Variants in SOCS5 observed in about 807,000 individuals in gnomAD.
SOCS5 encodes the protein suppressor of cytokine signaling 5.
Under a neutral mutation model 42.8 loss-of-function variants are expected in SOCS5, and 32 were observed. That is an observed-to-expected ratio of 0.75 (90% confidence interval 0.56 to 1.01). SOCS5 has a LOEUF of 1.01. Among genes scored for constraint, SOCS5 ranks in the 50% least tolerant of loss-of-function variants. SOCS5 has a pLI of 0.00. For missense variants in SOCS5, 627 were observed against 653.0 expected (o/e 0.96, Z 0.43); for synonymous variants, 283 against 229.6 (o/e 1.23, Z -2.10).
At chr2:46,717,846 T>G (rs1442691567) in intron 1 of SOCS5, among the ~76,000 whole-genome samples, 1 of 152,118 alleles carries the variant, frequency 6.6e-6, no homozygotes, top group Non-Finnish European at 1.5e-5. Context: ...CTTACAAGCT[T>G]AGGTAGTTGT....
intron 1 of SOCS5, among the ~76,000 whole-genome samples, chr2:46,734,703 C>G (rs566274437): frequency 6.6e-6 from 1 of 152,032 alleles, no homozygotes; most frequent in South Asian, 2.1e-4. Context: ...CTGTCCTCAT[C>G]ATACCCAATC....
chr2:46,756,719 G>C (rs1673738615), intron 1 of SOCS5, among the ~76,000 whole-genome samples: 1 of 152,080 alleles, frequency 6.6e-6, no homozygotes, highest in Admixed American at 6.6e-5. Context: ...GCTAGAAAGG[G>C]GCTAGGATAT....
chr2:46,741,632 A>G (rs1673379764), intron 1 of SOCS5, among the ~76,000 whole-genome samples: 1 of 152,274 alleles, frequency 6.6e-6, no homozygotes, highest in East Asian at 1.9e-4. Flanking sequence ...TGTGATATAG[A>G]TGTGTGTTGA....
chr2:46,743,362 A>C (rs1455409367), intron 1 of SOCS5, among the ~76,000 whole-genome samples: 2 of 152,202 alleles, frequency 1.3e-5, no homozygotes, highest in African/African-American at 4.8e-5. Context: ...TTATTTCTTA[A>C]TGATATGCTA....
chr2:46,762,705 T>C lies in SOCS5; in HGVS notation c.*2564T>C, dbSNP rs149802888. 1.8e-5 allele frequency: 3 copies of C among 166,292 alleles called. No individual in the cohort carries two copies. Among genetic ancestry groups the C allele is most frequent in the Non-Finnish European group, 4.4e-5 (3 of 68,086 alleles). The allele number at this position is 166,292 out of a possible 1,614,324, so 10.3% of individuals were successfully genotyped here. A position where few individuals can be genotyped will look rare whatever the true frequency, so the allele number is the denominator to read the frequency against. Reference sequence around the variant, plus strand: ...TCACTGTGTCCTTTTCTGAATCCCATTGTAGCCTGTCAACTAAATTTGAGT... The same window carrying C: ...TCACTGTGTCCTTTTCTGAATCCCACTGTAGCCTGTCAACTAAATTTGAGT... On this transcript the variant is annotated 3_prime_UTR_variant, in exon 2 of 2. Transcript: ENST00000394861.
intron 1 of SOCS5, among the ~76,000 whole-genome samples, chr2:46,753,809 A>G (rs1453221145): frequency 6.6e-6 from 1 of 152,144 alleles, no homozygotes; most frequent in East Asian, 1.9e-4. Context: ...CAGACCATGT[A>G]AGGTAACTTC....
chr2:46,746,260 T>C (rs901227559), intron 1 of SOCS5, among the ~76,000 whole-genome samples: 6 of 152,116 alleles, frequency 3.9e-5, no homozygotes, highest in Admixed American at 6.5e-5. Context: ...CACATTCTTA[T>C]TATTCACCAC....
chr2:46,729,581 T>C (rs189240877), intron 1 of SOCS5, among the ~76,000 whole-genome samples: 1 of 152,318 alleles, frequency 6.6e-6, no homozygotes, highest in Admixed American at 6.5e-5. Flanking sequence ...ACACAAAGGG[T>C]ACAGTAAAAA....
chr2:46,762,484 CAT>C lies in SOCS5; in HGVS notation c.*2346_*2347del, dbSNP rs1673891750. The C allele has an allele frequency of 6.0e-6, 1 of 166,068 alleles. No homozygotes were observed. The highest frequency in any genetic ancestry group is 2.4e-5 in the African/African-American group (1 of 41,438). 10.3% of individuals were successfully genotyped at this position (166,068 alleles called of 1,614,324 possible). On this transcript the variant is annotated 3_prime_UTR_variant, in exon 2 of 2. Coordinates refer to ENST00000394861, the MANE Select transcript of SOCS5 (RefSeq NM_144949.3). ...ATGCTTTTATGTATTTCAAAACTTT[CAT>C]ATGTTAAATGGAAATTGTTTTAAAT...
rs150522408 is a variant in SOCS5 at position 46,743,778 on chromosome 2, T to C, written c.-12-14741T>C. 4.9e-3 allele frequency among the ~76,000 whole-genome samples: 742 copies of C among 152,236 alleles called. 6 individuals carry two copies. The highest frequency in any genetic ancestry group is 9.7e-3 in the Admixed American group (149 of 15,292). On this transcript the variant is annotated intron_variant, in intron 1 of 1. Transcript: ENST00000394861. Reference sequence around the variant, plus strand: ...GCGTCATACAAGGGACTGGGGGGCATCTCCAAATATGTCTGAAATTTAAAC... The same window carrying C: ...GCGTCATACAAGGGACTGGGGGGCACCTCCAAATATGTCTGAAATTTAAAC...
At chr2:46,720,892 C>G (rs1045413664) in intron 1 of SOCS5, among the ~76,000 whole-genome samples, 2 of 152,140 alleles carry the variant, frequency 1.3e-5, no homozygotes, top group Non-Finnish European at 2.9e-5. Context: ...TCCTTTCTTT[C>G]ACACGGTTCT....
At chr2:46,700,270 G>A (rs144895822) in intron 1 of SOCS5, among the ~76,000 whole-genome samples, 2 of 152,286 alleles carry the variant, frequency 1.3e-5, no homozygotes, top group African/African-American at 4.8e-5. Flanking sequence ...CCAACTAAAG[G>A]GTGCCTGGCT....
intron 1 of SOCS5, among the ~76,000 whole-genome samples, chr2:46,746,083 G>C (rs1428328829): frequency 6.6e-6 from 1 of 151,866 alleles, no homozygotes; most frequent in African/African-American, 2.4e-5. Context: ...TGAAATCCTG[G>C]GATCAATATT....
chr2:46,733,945 G>A (rs930611264), intron 1 of SOCS5, among the ~76,000 whole-genome samples: 4 of 152,160 alleles, frequency 2.6e-5, no homozygotes, highest in African/African-American at 9.7e-5. Flanking sequence ...ACTCCATTTA[G>A]GATGTAATCA....
intron 1 of SOCS5, among the ~76,000 whole-genome samples, chr2:46,746,988 G>A (rs1673516011): frequency 9.2e-6 from 1 of 108,530 alleles, no homozygotes; most frequent in Non-Finnish European, 1.8e-5. Context: ...CTCTTGTTCT[G>A]GCCATCAGTG....
intron 1 of SOCS5, among the ~76,000 whole-genome samples, chr2:46,742,723 T>TGGCGC (rs1673406003): frequency 6.6e-6 from 1 of 152,122 alleles, no homozygotes; most frequent in East Asian, 1.9e-4. Flanking sequence ...TGGAGTGCAA[T>TGGCGC]GGCGCGATCT....
intron 1 of SOCS5, among the ~76,000 whole-genome samples, chr2:46,704,149 A>G (rs1382385676): frequency 6.6e-6 from 1 of 152,226 alleles, no homozygotes. Flanking sequence ...CAAAGCTAGT[A>G]AGAGGAAGCA....
At position 46,759,418 on chromosome 2, in the gene SOCS5, A is replaced by C. The variant is rs1339695191; in HGVS notation, c.888A>C (p.Leu296Phe). 6.2e-7 allele frequency: 1 copy of C among 1,613,888 alleles called. No homozygotes were observed. The highest frequency in any genetic ancestry group is 1.3e-5 in the African/African-American group (1 of 74,930). ...TFEATAQVNP[L>F]YKLGPKLAPG... ...AAGCTACTGCACAGGTTAATCCATTATATAAACTGGGACCAAAATTAGCTC... is the reference window on the plus strand; with the variant it reads ...AAGCTACTGCACAGGTTAATCCATTCTATAAACTGGGACCAAAATTAGCTC... The change falls in exon 2 of 2, where the codon TTA becomes TTC. Residue 296 changes from leucine (L) to phenylalanine (F), a missense_variant. Physicochemically the swap from Leu to Phe is conservative, Grantham distance 22 (BLOSUM62 0). Around this residue, in one of 3 missense-constraint regions of SOCS5, gnomAD observed 340 missense variants for 367.6 expected, o/e 0.92. Transcript: ENST00000394861.
At position 46,758,906 on chromosome 2, in the gene SOCS5, C is replaced by T. The variant is rs1673790908; in HGVS notation, c.376C>T (p.His126Tyr). 1 of 1,614,008 alleles carries T rather than the reference C, an allele frequency of 6.2e-7. No individual in the cohort carries two copies. The highest frequency in any genetic ancestry group is 8.5e-7 in the Non-Finnish European group (1 of 1,179,888). The change falls in exon 2 of 2, where the codon CAT (histidine) becomes TAT (tyrosine). Residue 126 changes from histidine to tyrosine, a missense_variant. His to Tyr is a moderately conservative substitution (Grantham distance 83). Coordinates refer to ENST00000394861, the MANE Select transcript of SOCS5 (RefSeq NM_144949.3). ...RHAPWGGKKK[H>Y]SCSTKTQSSL... Reference sequence around the variant, plus strand: ...TGCTCCATGGGGTGGGAAGAAAAAACATTCCTGTTCTACAAAGACCCAGAG... The same window carrying T: ...TGCTCCATGGGGTGGGAAGAAAAAATATTCCTGTTCTACAAAGACCCAGAG...
Sources: gnomAD v4.1 joint callset for allele counts (sites outside exome capture counted in the v4.1 genomes callset) on GRCh38, gnomAD v4.1.1 for gene constraint, gnomAD v4.1.1 regional missense constraint, MANE v1.5 for transcripts, NCBI Gene and HGNC (gene_info 2026-07-23, HGNC 2026-07-21) for gene names.